Variants in ATP2C1 observed in about 807,000 individuals in gnomAD.
ATP2C1 encodes the protein calcium-transporting ATPase type 2C member 1.
ATP2C1 carries 31 observed loss-of-function variants against 120.5 expected under a neutral mutation model. That is an observed-to-expected ratio of 0.26 (90% CI 0.19 to 0.35). ATP2C1 has a LOEUF of 0.35. Among genes scored for constraint, ATP2C1 ranks in the 10% least tolerant of loss-of-function variants. ATP2C1 has a pLI of 1.00. For missense variants in ATP2C1, 731 were observed against 1,107.5 expected (o/e 0.66, Z 4.83); for synonymous variants, 351 against 358.7 (o/e 0.98, Z 0.24).
chr3:130,982,851 G>A (rs911066987), intron 20 of ATP2C1, among the ~76,000 whole-genome samples: 63 of 152,184 alleles, frequency 4.1e-4, no homozygotes, highest in African/African-American at 1.5e-3. Flanking sequence ...AATAGAAGTT[G>A]TCTGTAATCT....
At chr3:130,936,845 T>TA (rs1372197770) in intron 5 of ATP2C1, among the ~76,000 whole-genome samples, 5 of 144,022 alleles carry the variant, frequency 3.5e-5, no homozygotes, top group South Asian at 2.2e-4. Context: ...AACTCCTCCC[T>TA]AAAAAAAATA....
chr3:130,873,054 C>T lies in ATP2C1; in HGVS notation c.108+22126C>T, dbSNP rs145228982. On this transcript the variant is annotated intron_variant, in intron 1 of 26. Coordinates refer to the ATP2C1 transcript ENST00000504381. ...AAGACAGTTACCTTATTAATTAATA[C>T]AATCTTGAGTGTCATCAAATTAGCT... 8.4e-3 allele frequency among the ~76,000 whole-genome samples: 1,282 copies of T among 152,244 alleles called. 26 individuals carry two copies. Among genetic ancestry groups the T allele is most frequent in the African/African-American group, 0.029 (1,191 of 41,528 alleles).
chr3:130,980,654 A>C lies in ATP2C1; in HGVS notation c.1814A>C (p.Gln605Pro), dbSNP rs2061716261. The change falls in exon 20 of 28, where the codon CAG becomes CCG. Residue 605 changes from glutamine to proline, a missense_variant. Coordinates refer to ENST00000510168, the MANE Select transcript of ATP2C1 (RefSeq NM_001378687.1). ...GAAGAAATAGATGCAATGGATGTTC[A>C]GCAGCTTTCACAAATAGTACCAAAG... ...SGEEIDAMDV[Q>P]QLSQIVPKVA... The C allele has an allele frequency of 1.2e-6, 2 of 1,613,126 alleles. No homozygotes were observed.
intron 20 of ATP2C1, among the ~76,000 whole-genome samples, chr3:130,987,299 C>T (rs991937799): frequency 1.3e-5 from 2 of 150,470 alleles, no homozygotes; most frequent in Non-Finnish European, 1.5e-5. Context: ...CACGTAGCCT[C>T]GTCTTCTGCT....
chr3:130,884,639 TC>T (rs1357631998), intron 1 of ATP2C1, among the ~76,000 whole-genome samples: 1 of 152,244 alleles, frequency 6.6e-6, no homozygotes, highest in Non-Finnish European at 1.5e-5. Context: ...TCTATCTCTC[TC>T]TTTAGCTCTA....
At chr3:130,980,886 G>A (rs1257593696) in intron 20 of ATP2C1, among the ~76,000 whole-genome samples, 1 of 152,138 alleles carries the variant, frequency 6.6e-6, no homozygotes, top group Non-Finnish European at 1.5e-5. Context: ...GAATATCAGT[G>A]CAAAATTATT....
intron 8 of ATP2C1, among the ~76,000 whole-genome samples, chr3:130,952,608 T>G (rs187110322): frequency 3.7e-4 from 57 of 152,312 alleles, no homozygotes; most frequent in Admixed American, 2.9e-3. Context: ...TCAGTGATAC[T>G]GTGCAGTAAT....
At chr3:130,882,648 A>G (rs1338630286) in intron 1 of ATP2C1, among the ~76,000 whole-genome samples, 2 of 152,208 alleles carry the variant, frequency 1.3e-5, no homozygotes, top group Non-Finnish European at 2.9e-5. Context: ...TTGCTATGAC[A>G]TATCACATTA....
intron 10 of ATP2C1, among the ~76,000 whole-genome samples, chr3:130,955,524 G>A (rs892150064): frequency 1.3e-5 from 2 of 152,246 alleles, no homozygotes; most frequent in South Asian, 2.1e-4. Context: ...TTAAAGATGA[G>A]TTCATTTTAA....
intron 1 of ATP2C1, among the ~76,000 whole-genome samples, chr3:130,851,181 T>A (rs1348893336): frequency 6.6e-6 from 1 of 152,220 alleles, no homozygotes. Context: ...TCTAAAGAGC[T>A]ACTCTATCAA....
At chr3:130,885,491 T>C (rs2068944147) in intron 1 of ATP2C1, among the ~76,000 whole-genome samples, 2 of 152,218 alleles carry the variant, frequency 1.3e-5, no homozygotes, top group African/African-American at 4.8e-5. Flanking sequence ...TTGCTTCTTA[T>C]AGTTTTCGTG....
chr3:130,942,363 T>G (rs1165845617), intron 8 of ATP2C1, among the ~76,000 whole-genome samples: 1 of 152,228 alleles, frequency 6.6e-6, no homozygotes, highest in Non-Finnish European at 1.5e-5. Flanking sequence ...CTAAATAATG[T>G]TATCCTTAAT....
chr3:130,906,614 A>T (rs1260355918), intron 2 of ATP2C1, among the ~76,000 whole-genome samples: 1 of 150,282 alleles, frequency 6.7e-6, no homozygotes, highest in Non-Finnish European at 1.5e-5. Flanking sequence ...TTTCATTCCC[A>T]CTAGCAGTGT....
At chr3:131,004,328 C>G (rs534842919), downstream of ATP2C1, among the ~76,000 whole-genome samples, 3 of 152,318 alleles carry the variant, frequency 2.0e-5, no homozygotes, top group East Asian at 5.8e-4. Context: ...CGTGATTGGA[C>G]AGACAGATCA....
intron 1 of ATP2C1, among the ~76,000 whole-genome samples, chr3:130,865,007 A>G (rs954167685): frequency 6.6e-6 from 1 of 152,144 alleles, no homozygotes. Context: ...ATCCACCGAC[A>G]GCTTGCACCG....
chr3:130,962,437 AT>A (rs2060860066), intron 12 of ATP2C1, among the ~76,000 whole-genome samples: 1 of 151,962 alleles, frequency 6.6e-6, no homozygotes, highest in Admixed American at 6.6e-5. Flanking sequence ...GAAATCTGAA[AT>A]CAATATTTAT....
At chr3:130,919,655 C>T (rs1576714621) in intron 2 of ATP2C1, among the ~76,000 whole-genome samples, 3 of 152,296 alleles carry the variant, frequency 2.0e-5, no homozygotes, top group South Asian at 2.1e-4. Flanking sequence ...TGGTGAACAT[C>T]GGAGTGGTAA....
downstream of ATP2C1, among the ~76,000 whole-genome samples, chr3:131,006,680 T>C (rs1238055618): frequency 6.6e-6 from 1 of 151,130 alleles, no homozygotes; most frequent in Non-Finnish European, 1.5e-5. Flanking sequence ...TAGTACAGTT[T>C]CTTGTACACT....
At position 130,918,926 on chromosome 3, in the gene ATP2C1, A is replaced by C. The variant is rs953333717; in HGVS notation, c.7-11490A>C. 2.1e-4 allele frequency: 70 copies of C among 335,322 alleles called. 2 individuals carry two copies. Among genetic ancestry groups the C allele is most frequent in the South Asian group, 1.7e-3 (69 of 40,730 alleles). The allele number at this position is 335,322 out of a possible 1,614,324, so 20.8% of individuals were successfully genotyped here. ...AGAATGGCGTGAACCCGGGAGGCGGAGCTTACCGTGAGCCTAGATCGCGCC... is the reference window on the plus strand; with the variant it reads ...AGAATGGCGTGAACCCGGGAGGCGGCGCTTACCGTGAGCCTAGATCGCGCC... On this transcript the variant is annotated intron_variant, in intron 2 of 27. Transcript: ENST00000510168.
Sources: gnomAD v4.1 joint callset for allele counts (sites outside exome capture counted in the v4.1 genomes callset) on GRCh38, gnomAD v4.1.1 for gene constraint, MANE v1.5 for transcripts, NCBI Gene and HGNC (gene_info 2026-07-23, HGNC 2026-07-21) for gene names.